Variants in SUN5 observed in about 807,000 individuals in gnomAD.
SUN5 encodes SUN domain-containing protein 5.
Under a neutral mutation model 53.7 loss-of-function variants are expected in SUN5, and 44 were observed. The observed-to-expected ratio is 0.82, with a 90% CI of 0.64 to 1.05. The LOEUF is 1.05. Ranked by LOEUF, SUN5 falls within the 50% of genes least tolerant of loss-of-function variation. The pLI, the probability that SUN5 is intolerant of heterozygous loss-of-function variation, is 0.00. For missense variants in SUN5, 433 were observed against 483.8 expected (o/e 0.90, Z 0.98); for synonymous variants, 166 against 179.8 (o/e 0.92, Z 0.62).
intron 10 of SUN5, among the ~76,000 whole-genome samples, chr20:32,986,499 T>C (rs1989543519): frequency 3.3e-5 from 5 of 152,256 alleles, no homozygotes; most frequent in African/African-American, 1.2e-4. Context: ...AGCCATGGCA[T>C]GGACAGTCCT....
At chr20:32,987,589 C>T (rs575762673) in intron 10 of SUN5, 71 bp downstream of exon 10, 617 of 1,197,214 alleles carry the variant, frequency 5.2e-4, no homozygotes, top group Middle Eastern at 1.6e-3. Flanking sequence ...ACCTCTTCTG[C>T]CAGCTCCTGT....
At chr20:32,987,846 C>T (rs1989590040) in intron 9 of SUN5, 71 bp from the exon 10 acceptor site, 1 of 1,269,216 alleles carries the variant, frequency 7.9e-7, no homozygotes, top group Non-Finnish European at 1.1e-6. Context: ...CACTGATGGG[C>T]CCTGACTATG....
At chr20:32,995,757 G>A (rs767135976) in intron 7 of SUN5, 30 bp from the exon 8 acceptor site, 55 of 1,597,100 alleles carry the variant, frequency 3.4e-5, no homozygotes, top group Non-Finnish European at 3.7e-5. Flanking sequence ...AACAAGAACA[G>A]GTTGATTTGT....
chr20:32,986,003 C>T, intron 10 of SUN5, 100 bp from the exon 11 acceptor site: 4 of 1,350,122 alleles, frequency 3.0e-6, no homozygotes, highest in Non-Finnish European at 4.0e-6. Flanking sequence ...GTGAGCCAGT[C>T]CTTTCTTGTC....
intron 8 of SUN5, among the ~76,000 whole-genome samples, chr20:32,992,748 T>C (rs542336010): frequency 3.0e-4 from 46 of 152,118 alleles, no homozygotes; most frequent in African/African-American, 1.1e-3. Context: ...CAATAAGAAA[T>C]GGCACTCTCC....
intron 3 of SUN5, among the ~76,000 whole-genome samples, chr20:33,002,052 G>A (rs1990064552): frequency 6.6e-6 from 1 of 152,178 alleles, no homozygotes; most frequent in African/African-American, 2.4e-5. Context: ...GCCTTGTCTG[G>A]TTCATCCCAG....
intron 10 of SUN5, among the ~76,000 whole-genome samples, chr20:32,986,365 G>A (rs1267265070): frequency 6.6e-6 from 1 of 152,174 alleles, no homozygotes; most frequent in Non-Finnish European, 1.5e-5. Flanking sequence ...ATCTGACCTT[G>A]GAACTTGCCA....
chr20:32,984,997 G>T, intron 12 of SUN5, 102 bp downstream of exon 12: 2 of 1,238,542 alleles, frequency 1.6e-6, no homozygotes, highest in Non-Finnish European at 2.3e-6. Flanking sequence ...TCATGACTGG[G>T]CACCTCCTGG....
In SUN5 at chr20:32,992,042, G is replaced by A. The variant is rs79431438; in HGVS notation, c.535-2344C>T. On this transcript the variant is annotated intron_variant, in intron 8 of 12. Transcript: ENST00000356173. Reference sequence around the variant, plus strand: ...CCTGTTCTTTGATTTGGAGGAAGGTGCATTTTGCGAATTCATCTGCCCAGC... The same window carrying A: ...CCTGTTCTTTGATTTGGAGGAAGGTACATTTTGCGAATTCATCTGCCCAGC... Among the ~76,000 whole-genome samples, 468 of 152,302 alleles carry A rather than the reference G, an allele frequency of 3.1e-3. 2 individuals carry two copies. The highest frequency in any genetic ancestry group is 0.011 in the African/African-American group (442 of 41,556).
At chr20:32,998,879 T>C (rs1989923143) in intron 5 of SUN5, among the ~76,000 whole-genome samples, 1 of 151,078 alleles carries the variant, frequency 6.6e-6, no homozygotes, top group African/African-American at 2.4e-5. Context: ...AAACAAAAAT[T>C]AAAAAATTAG....
chr20:33,000,249 T>C, intron 4 of SUN5, 114 bp from the exon 5 acceptor site: 1 of 1,260,376 alleles, frequency 7.9e-7, no homozygotes, highest in South Asian at 1.6e-5. Context: ...TATCCCTTCT[T>C]CTCTCCCTGG....
chr20:33,001,584 TTTC>T lies in SUN5; in HGVS notation c.212-309_212-307del, dbSNP rs147884751. Reference sequence around the variant, plus strand: ...TTTCTTTTCTTCCTTCCTTCCTTTCTTTCTTTTTTCTTCTTTCTCTCCTTTCTT... The same window carrying T: ...TTTCTTTTCTTCCTTCCTTCCTTTCTTTTTTTCTTCTTTCTCTCCTTTCTT... On this transcript the variant is annotated intron_variant, in intron 3 of 12. Transcript: ENST00000356173. Among the ~76,000 whole-genome samples the T allele has an allele frequency of 6.4e-3, 906 of 141,616 alleles. 17 individuals are homozygous for T. Among genetic ancestry groups the T allele is most frequent in the African/African-American group, 0.026 (842 of 32,350 alleles). 92.9% of individuals were successfully genotyped at this position (141,616 alleles called of 152,430 possible).
intron 2 of SUN5, 78 bp from the exon 3 acceptor site, chr20:33,002,739 G>A: frequency 2.5e-6 from 4 of 1,596,770 alleles, no homozygotes; most frequent in Middle Eastern, 1.7e-4. Flanking sequence ...AGCACCCAGA[G>A]CTTGGTGCGA....
intron 4 of SUN5, among the ~76,000 whole-genome samples, chr20:33,000,687 A>G (rs1162111824): frequency 2.0e-5 from 3 of 152,100 alleles, no homozygotes; most frequent in Non-Finnish European, 1.5e-5. Flanking sequence ...TCTACAAAAA[A>G]TACAAAAATT....
At position 32,987,740 on chromosome 20, in the gene SUN5, A is replaced by G; in HGVS notation, c.649T>C (p.Tyr217His). The G allele has an allele frequency of 6.2e-7, 1 of 1,613,286 alleles. No individual in the cohort carries two copies. The highest frequency in any genetic ancestry group is 1.1e-5 in the South Asian group (1 of 90,746). Residue 217 changes from tyrosine to histidine, a missense_variant, in exon 10 of 13, where the codon TAT becomes CAT. By Grantham distance (83) the Tyr-to-His change is moderately conservative. Transcript: ENST00000356173. ...SIDFEHTSVT[Y>H]NHEKAHSYWN... ...TAGGAGTGGGCCTTCTCATGGTTATAGGTGACTGACGTGTGCTCAAAGTCA... is the reference window on the plus strand; with the variant it reads ...TAGGAGTGGGCCTTCTCATGGTTATGGGTGACTGACGTGTGCTCAAAGTCA...
intron 3 of SUN5, among the ~76,000 whole-genome samples, chr20:33,001,623 TCTTTTCTTTCTTTCTTTTC>T (rs1454701357): frequency 6.8e-6 from 1 of 146,680 alleles, no homozygotes; most frequent in Non-Finnish European, 1.5e-5. Flanking sequence ...TCTTTCTTTT[TCTTTTCTTTCTTTCTTTTC>T]CTCCCTCCCT....
In SUN5 at chr20:33,004,337, G is replaced by A; in HGVS notation, c.4C>T (p.Pro2Ser). Reference protein sequence around the residue: MPRSSRSPGDPG... With the variant: MSRSSRSPGDPG... ...TCCCCAGGGCTCCTTGAGGACCGTG[G>A]CATCGATTTCCTTCTTTAGGATTGG... The change falls in exon 1 of 13, where the codon CCA becomes TCA. Residue 2 changes from proline (P) to serine (S), a missense_variant. Pro to Ser is a moderately conservative substitution (Grantham distance 74, BLOSUM62 -1). Transcript: ENST00000356173. The A allele has an allele frequency of 6.4e-7, 1 of 1,562,170 alleles. No individual in the cohort carries two copies. Among genetic ancestry groups the A allele is most frequent in the Non-Finnish European group, 8.7e-7 (1 of 1,153,018 alleles).
At position 32,983,776 on chromosome 20, in the gene SUN5, G is replaced by T. The variant is rs1485087675; in HGVS notation, c.*18C>A. 6.9e-7 allele frequency: 1 copy of T among 1,450,650 alleles called. No homozygotes were observed. The allele number at this position is 1,450,650 out of a possible 1,614,324, so 89.9% of individuals were successfully genotyped here. A position where few individuals can be genotyped will look rare whatever the true frequency, so the allele number is the denominator to read the frequency against. On this transcript the variant is annotated 3_prime_UTR_variant, in exon 13 of 13. Coordinates refer to ENST00000356173, the MANE Select transcript of SUN5 (RefSeq NM_080675.4). ...GCCAAAAGACACTCAGACTTGGTCT[G>T]GGGGTAAAGAATAAATTTTAATCTC...
At chr20:32,994,617 G>T (rs1262316816) in intron 8 of SUN5, among the ~76,000 whole-genome samples, 1 of 152,182 alleles carries the variant, frequency 6.6e-6, no homozygotes, top group Non-Finnish European at 1.5e-5. Context: ...TAAGAACTAA[G>T]GCTGGATGCA....
Sources: allele counts gnomAD v4.1 joint callset (sites outside exome capture counted in the v4.1 genomes callset), GRCh38; gene constraint gnomAD v4.1.1; transcripts MANE v1.5; gene names NCBI Gene and HGNC (gene_info 2026-07-23, HGNC 2026-07-21).